The following TTLL5 variants were observed in gnomAD, a reference collection of about 807,000 sequenced individuals.
The protein encoded by TTLL5 is tubulin polyglutamylase TTLL5.
In TTLL5, 132 loss-of-function variants were observed where a neutral mutation model predicts 168.4. The ratio of observed to expected loss-of-function variants is 0.78; its 90% CI spans 0.68 to 0.91. The LOEUF (loss-of-function observed/expected upper bound fraction) is 0.91. Ranked by LOEUF, TTLL5 falls within the 40% of genes least tolerant of loss-of-function variation. The probability of loss-of-function intolerance (pLI) is 0.00; values close to 1 mark genes in which losing one functional copy is unlikely to be tolerated. For missense variants in TTLL5, 1,545 were observed against 1,581.5 expected, an observed-to-expected ratio of 0.98 and a Z score of 0.39; for synonymous variants, 546 against 558.6, an observed-to-expected ratio of 0.98 and a Z score of 0.32.
intron 12 of TTLL5, among the ~76,000 whole-genome samples, chr14:75,721,822 A>G (rs1383440495): frequency 6.6e-6 from 1 of 152,214 alleles, no homozygotes; most frequent in Admixed American, 6.5e-5. Context: ...TTAACAGATT[A>G]TCGTTAACAG....
intron 31 of TTLL5, among the ~76,000 whole-genome samples, chr14:75,943,611 G>A (rs2034679162): frequency 6.6e-6 from 1 of 152,134 alleles, no homozygotes; most frequent in Non-Finnish European, 1.5e-5. Flanking sequence ...TTATCTGGAG[G>A]AATCCTCCTC....
rs201678227 is a variant in TTLL5, at chr14:75,873,289, T to TG, written c.3523-9394dup. ...CGGGGTTTCACCGTGTTAGCCAGGA[T>TG]GGTCTCGATCTTCTGACCTCGTGAT... On this transcript the variant is annotated intron_variant, in intron 29 of 31. Coordinates refer to ENST00000298832, the MANE Select transcript of TTLL5 (RefSeq NM_015072.5). Among the ~76,000 whole-genome samples the TG allele has an allele frequency of 1.3e-3, 203 of 152,268 alleles. 4 individuals carry two copies. In the South Asian group the frequency reaches 0.015, roughly 11 times the overall value.
chr14:75,893,467 C>T (rs2032501518), intron 30 of TTLL5, among the ~76,000 whole-genome samples: 2 of 152,240 alleles, frequency 1.3e-5, no homozygotes, highest in African/African-American at 2.4e-5. Flanking sequence ...CCAATTACTT[C>T]GAAGTGTTGA....
At chr14:75,782,108 G>A (rs964099240) in intron 24 of TTLL5, among the ~76,000 whole-genome samples, 6 of 152,002 alleles carry the variant, frequency 3.9e-5, no homozygotes, top group Admixed American at 6.6e-5. Flanking sequence ...GGCTCCAGGG[G>A]CTACCACCAA....
chr14:75,685,228 A>G (rs1486770222), intron 5 of TTLL5, among the ~76,000 whole-genome samples: 1 of 151,906 alleles, frequency 6.6e-6, no homozygotes, highest in African/African-American at 2.4e-5. Flanking sequence ...AAAAAAAACA[A>G]AAAATTTAGC....
intron 28 of TTLL5, among the ~76,000 whole-genome samples, chr14:75,825,319 C>T (rs1485282664): frequency 6.6e-6 from 1 of 152,156 alleles, no homozygotes; most frequent in Non-Finnish European, 1.5e-5. Flanking sequence ...CTGTGCAGTA[C>T]GCTCCTGGGA....
At chr14:75,880,940 G>T (rs145724556) in intron 29 of TTLL5, among the ~76,000 whole-genome samples, 4 of 152,176 alleles carry the variant, frequency 2.6e-5, no homozygotes, top group African/African-American at 7.2e-5. Context: ...TTGAGACAGG[G>T]TCTAGCTCTG....
At chr14:75,806,190 C>T (rs138048198) in intron 27 of TTLL5, among the ~76,000 whole-genome samples, 143 of 152,132 alleles carry the variant, frequency 9.4e-4, no homozygotes, top group African/African-American at 3.2e-3. Flanking sequence ...GCCGCCATGC[C>T]GGGCTAATTT....
At chr14:75,860,979 G>A (rs774852827) in intron 28 of TTLL5, among the ~76,000 whole-genome samples, 1 of 152,122 alleles carries the variant, frequency 6.6e-6, no homozygotes, top group South Asian at 2.1e-4. Flanking sequence ...TATTTGATCA[G>A]TGCTCACCAT....
intron 4 of TTLL5, among the ~76,000 whole-genome samples, chr14:75,682,924 T>C (rs1021033716): frequency 1.6e-4 from 24 of 151,982 alleles, no homozygotes; most frequent in African/African-American, 5.8e-4. Flanking sequence ...ATGGCACCAC[T>C]CCTGGCTAAT....
rs541693573 is a variant in TTLL5 at position 75,690,701 on chromosome 14, C to T, written c.502+379C>T. Among the ~76,000 whole-genome samples, 4 of 152,110 alleles carry T rather than the reference C, an allele frequency of 2.6e-5. No individual in the cohort carries two copies. The South Asian group carries it at 8.3e-4, about 32-fold the overall frequency. On this transcript the variant is annotated intron_variant, in intron 6 of 31. Coordinates refer to ENST00000298832, the MANE Select transcript of TTLL5 (RefSeq NM_015072.5). ...GTGGCACGATCATGGCTCACTGCAC[C>T]CTCTGCTTCATGGGCTCAAGTGATC...
chr14:75,734,272 G>A (rs1888746208), intron 14 of TTLL5, among the ~76,000 whole-genome samples: 1 of 152,212 alleles, frequency 6.6e-6, no homozygotes, highest in African/African-American at 2.4e-5. Context: ...TGAGGCACAG[G>A]AATTAGGAGC....
intron 31 of TTLL5, chr14:75,941,372 C>G (rs2034599494): frequency 6.6e-6 from 1 of 152,198 alleles, no homozygotes; most frequent in Admixed American, 6.5e-5. Context: ...CTACTAATGT[C>G]ACTCAGGATA....
chr14:75,876,772 A>G (rs1211565322), intron 29 of TTLL5, among the ~76,000 whole-genome samples: 1 of 152,210 alleles, frequency 6.6e-6, no homozygotes, highest in Non-Finnish European at 1.5e-5. Flanking sequence ...AGTGTGAGAC[A>G]AAGGCCTTTT....
chr14:75,861,284 A>G (rs1555352109), intron 28 of TTLL5, among the ~76,000 whole-genome samples: 2 of 152,164 alleles, frequency 1.3e-5, no homozygotes, highest in Non-Finnish European at 2.9e-5. Context: ...TCACGGACTT[A>G]CCCTTAACGA....
intron 31 of TTLL5, among the ~76,000 whole-genome samples, chr14:75,915,112 C>T (rs1049514527): frequency 1.3e-5 from 2 of 152,028 alleles, no homozygotes; most frequent in South Asian, 2.1e-4. Flanking sequence ...TTTTTCTCCC[C>T]TCTACATCAC....
chr14:75,816,777 A>T (rs1894435761), intron 27 of TTLL5, among the ~76,000 whole-genome samples: 1 of 152,076 alleles, frequency 6.6e-6, no homozygotes, highest in Non-Finnish European at 1.5e-5. Flanking sequence ...AAAAGGTCTG[A>T]TGGTCAAATC....
At chr14:75,899,292 T>A (rs913778441) in intron 30 of TTLL5, among the ~76,000 whole-genome samples, 1 of 152,208 alleles carries the variant, frequency 6.6e-6, no homozygotes, top group African/African-American at 2.4e-5. Context: ...AAAACACATG[T>A]ATTCCTAGGA....
chr14:75,797,583 G>A (rs1893063073), intron 27 of TTLL5, among the ~76,000 whole-genome samples: 1 of 152,028 alleles, frequency 6.6e-6, no homozygotes, highest in South Asian at 2.1e-4. Flanking sequence ...CTTAAGGTAT[G>A]TCCATTTTAT....
Sources: gnomAD v4.1 joint callset for allele counts (sites outside exome capture counted in the v4.1 genomes callset) on GRCh38, gnomAD v4.1.1 for gene constraint, MANE v1.5 for transcripts, NCBI Gene and HGNC (gene_info 2026-07-23, HGNC 2026-07-21) for gene names.